Variants in TRIM54 observed in about 807,000 individuals in gnomAD.
TRIM54 encodes tripartite motif containing 54, also known as tripartite motif-containing protein 54.
In TRIM54, 40 loss-of-function variants were observed where a neutral mutation model predicts 42.0. The ratio of observed to expected loss-of-function variants is 0.95; its 90% CI spans 0.74 to 1.24. The LOEUF (loss-of-function observed/expected upper bound fraction) is 1.24. TRIM54 is among the 50% of genes most tolerant of loss of function. The probability of loss-of-function intolerance (pLI) is 0.00; values close to 1 mark genes in which losing one functional copy is unlikely to be tolerated. For synonymous variants in TRIM54, 199 were observed against 194.9 expected, an observed-to-expected ratio of 1.02 and a Z score of -0.17; for missense variants, 485 against 480.3, an observed-to-expected ratio of 1.01 and a Z score of -0.09.
At chr2:27,299,605 A>G (rs1304977988) in intron 3 of TRIM54, 189 bp downstream of exon 3, 1 of 1,264,636 alleles carries the variant, frequency 7.9e-7, no homozygotes, top group African/African-American at 1.5e-5. Flanking sequence ...TGATCTCCCG[A>G]GCTCAAGTGA....
At position 27,307,236 on chromosome 2, in the gene TRIM54, T is replaced by G; in HGVS notation, c.*351T>G. 6.2e-6 allele frequency: 3 copies of G among 482,732 alleles called. No individual in the cohort carries two copies. Among genetic ancestry groups the G allele is most frequent in the Non-Finnish European group, 3.7e-6 (1 of 270,606 alleles). The allele number at this position is 482,732 out of a possible 1,614,324, so 29.9% of individuals were successfully genotyped here. On this transcript the variant is annotated 3_prime_UTR_variant, in exon 9 of 9. Coordinates refer to ENST00000380075, the MANE Select transcript of TRIM54 (RefSeq NM_187841.3). This position sits in a 1 kb window ranked among gnomAD's most constrained non-coding sequence, Gnocchi z 6.9. Reference sequence around the variant, plus strand: ...GCCGGGACCTCTGAGGTCCTGGGGATTTGGGGACCCTTGGGGTCCACATGC... The same window carrying G: ...GCCGGGACCTCTGAGGTCCTGGGGAGTTGGGGACCCTTGGGGTCCACATGC...
chr2:27,299,710 A>ATCTG, intron 3 of TRIM54: 13 of 609,728 alleles, frequency 2.1e-5, no homozygotes, highest in Admixed American at 3.0e-5. Flanking sequence ...CTATCTATCT[A>ATCTG]TCTATCATAT....
At chr2:27,297,301 C>T (rs1322675853) in intron 1 of TRIM54, among the ~76,000 whole-genome samples, 2 of 152,338 alleles carry the variant, frequency 1.3e-5, no homozygotes, top group South Asian at 2.1e-4. Flanking sequence ...CTAAGCAGAA[C>T]ATGGCGTAGC....
At chr2:27,304,770 A>G in intron 3 of TRIM54, 189 bp from the exon 4 acceptor site, 1 of 507,912 alleles carries the variant, frequency 2.0e-6, no homozygotes, top group Non-Finnish European at 3.6e-6. Flanking sequence ...GCTTCTCTCC[A>G]CCTCCTTCCA....
chr2:27,300,442 G>C (rs923669286), intron 3 of TRIM54, among the ~76,000 whole-genome samples: 2 of 150,560 alleles, frequency 1.3e-5, no homozygotes, highest in Non-Finnish European at 3.0e-5. Flanking sequence ...CAAATGCTGG[G>C]ATTACAGGCG....
At chr2:27,293,671 G>T (rs1678783697) in intron 1 of TRIM54, among the ~76,000 whole-genome samples, 1 of 152,170 alleles carries the variant, frequency 6.6e-6, no homozygotes, top group South Asian at 2.1e-4. Context: ...TCTTTCCTCT[G>T]TGAAGGTTTG....
chr2:27,294,629 C>T (rs1374168982), intron 1 of TRIM54, among the ~76,000 whole-genome samples: 1 of 151,966 alleles, frequency 6.6e-6, no homozygotes, highest in East Asian at 1.9e-4. Context: ...TGGTGGCTCA[C>T]GCCTGTAATC....
chr2:27,299,159 G>T, intron 2 of TRIM54, 86 bp from the exon 3 acceptor site: 1 of 1,475,894 alleles, frequency 6.8e-7, no homozygotes, highest in East Asian at 2.3e-5. Flanking sequence ...CGGAGAAGGT[G>T]GTGGCAGTTG....
Position 27,302,447 on chromosome 2 carries a change from A to AAAT in TRIM54, c.514-2495_514-2493dup, listed in dbSNP as rs1188734489. Among the ~76,000 whole-genome samples the AAAT allele has an allele frequency of 7.3e-5, 11 of 150,268 alleles. 1 individual carries two copies. The highest frequency in any genetic ancestry group is 2.1e-4 in the South Asian group (1 of 4,756). ...GGCGACAGAGCGAGACTCCGTCTAA[A>AAAT]AATAATAATAATAATAATACCTAAA... is the stretch of plus-strand genomic sequence containing the variant. On this transcript the variant is annotated intron_variant, in intron 3 of 8. Transcript: ENST00000380075.
Position 27,282,465 on chromosome 2 carries a change from AT to A in TRIM54, c.-264del, listed in dbSNP as rs1678408590. ...CCCACAGAGTGAACAAGAGAGAGTC[AT>A]TTGGGAAACAAAAGGAGAATTTTAC... On this transcript the variant is annotated 5_prime_UTR_variant, in exon 1 of 9. Coordinates refer to ENST00000380075, the MANE Select transcript of TRIM54 (RefSeq NM_187841.3). The A allele has an allele frequency of 3.7e-6, 1 of 270,148 alleles. No individual in the cohort carries two copies. The highest frequency in any genetic ancestry group is 6.9e-6 in the Non-Finnish European group (1 of 144,374). The allele number at this position is 270,148 out of a possible 1,614,324, so 16.7% of individuals were successfully genotyped here. A position where few individuals can be genotyped will look rare whatever the true frequency, so the allele number is the denominator to read the frequency against.
At chr2:27,305,155 C>G in intron 4 of TRIM54, 101 bp downstream of exon 4, 1 of 1,042,696 alleles carries the variant, frequency 9.6e-7, no homozygotes, top group Non-Finnish European at 1.4e-6. Flanking sequence ...CCAAACTGGT[C>G]TGAAAGTTTC....
chr2:27,291,881 C>T (rs192594804), intron 1 of TRIM54, among the ~76,000 whole-genome samples: 11 of 152,252 alleles, frequency 7.2e-5, no homozygotes, highest in Admixed American at 7.2e-4. Flanking sequence ...GGGATGAAAG[C>T]TACACGCAAA....
chr2:27,302,294 C>T (rs758350820), intron 3 of TRIM54, among the ~76,000 whole-genome samples: 33 of 150,822 alleles, frequency 2.2e-4, no homozygotes, highest in Non-Finnish European at 3.8e-4. Flanking sequence ...ACTAAAAATA[C>T]AAAAAACTTA....
chr2:27,302,431 G>A (rs145936931), intron 3 of TRIM54, among the ~76,000 whole-genome samples: 19 of 149,692 alleles, frequency 1.3e-4, no homozygotes, highest in African/African-American at 4.7e-4. Context: ...GGGCGACAGA[G>A]CGAGACTCCG....
intron 3 of TRIM54, 53 bp downstream of exon 3, chr2:27,299,469 G>T (rs1414621108): frequency 2.5e-6 from 4 of 1,592,996 alleles, no homozygotes; most frequent in Admixed American, 1.8e-5. Flanking sequence ...TTAGGACAGG[G>T]TCTCAGTGTC....
At chr2:27,285,643 C>T (rs557442977) in intron 1 of TRIM54, among the ~76,000 whole-genome samples, 9 of 152,240 alleles carry the variant, frequency 5.9e-5, no homozygotes, top group Admixed American at 3.9e-4. Flanking sequence ...TGTTCTCAGG[C>T]GAGACCCATC....
chr2:27,300,143 ATTATT>A (rs1188017282), intron 3 of TRIM54, among the ~76,000 whole-genome samples: 2 of 152,016 alleles, frequency 1.3e-5, no homozygotes, highest in Admixed American at 1.3e-4. Context: ...TGACCAGCTA[ATTATT>A]TTATTTTATT....
At chr2:27,294,347 C>T (rs935636783) in intron 1 of TRIM54, among the ~76,000 whole-genome samples, 1 of 151,982 alleles carries the variant, frequency 6.6e-6, no homozygotes, top group Non-Finnish European at 1.5e-5. Flanking sequence ...TCTTGAACTC[C>T]TGCACTCAAG....
intron 1 of TRIM54, among the ~76,000 whole-genome samples, chr2:27,283,533 G>C (rs1232855573): frequency 1.3e-5 from 2 of 151,968 alleles, no homozygotes. Flanking sequence ...GCAGGGAGAA[G>C]GCAAAGAAAT....
Sources: allele counts gnomAD v4.1 joint callset (sites outside exome capture counted in the v4.1 genomes callset), GRCh38; gene constraint gnomAD v4.1.1; non-coding constraint Gnocchi (gnomAD v3.1); transcripts MANE v1.5; gene names NCBI Gene and HGNC (gene_info 2026-07-23, HGNC 2026-07-21).